Variants in TSPAN9 observed in about 807,000 individuals in gnomAD.
TSPAN9 encodes the protein tetraspanin-9.
TSPAN9 carries 16 observed loss-of-function variants against 31.0 expected under a neutral mutation model. That is an observed-to-expected ratio of 0.52 (90% confidence interval 0.35 to 0.78). The LOEUF (loss-of-function observed/expected upper bound fraction) is 0.78. TSPAN9 is among the 30% of genes least tolerant of loss of function. The probability of loss-of-function intolerance (pLI) is 0.01; values close to 1 mark genes in which losing one functional copy is unlikely to be tolerated. For synonymous variants in TSPAN9, 145 were observed against 121.6 expected, an observed-to-expected ratio of 1.19 and a Z score of -1.27; for missense variants, 272 against 312.5, an observed-to-expected ratio of 0.87 and a Z score of 0.98.
At chr12:3,250,295 C>T (rs1862223620) in intron 3 of TSPAN9, among the ~76,000 whole-genome samples, 1 of 152,212 alleles carries the variant, frequency 6.6e-6, no homozygotes, top group African/African-American at 2.4e-5. Flanking sequence ...TGCTTTCGAG[C>T]TTCAAGGGTT....
At chr12:3,233,183 G>C (rs998078515) in intron 3 of TSPAN9, among the ~76,000 whole-genome samples, 4 of 152,138 alleles carry the variant, frequency 2.6e-5, no homozygotes, top group Non-Finnish European at 4.4e-5. Context: ...GGTAGCTTCA[G>C]CTTGAAGCTA....
At chr12:3,155,891 T>G (rs1459383518) in intron 2 of TSPAN9, among the ~76,000 whole-genome samples, 1 of 151,876 alleles carries the variant, frequency 6.6e-6, no homozygotes, top group African/African-American at 2.4e-5. Context: ...TAAAGGGGAG[T>G]CTGTCTGAAG....
intron 3 of TSPAN9, among the ~76,000 whole-genome samples, chr12:3,225,350 ACG>A (rs2098386639): frequency 6.6e-6 from 1 of 152,018 alleles, no homozygotes; most frequent in Non-Finnish European, 1.5e-5. Context: ...TCACATGTGC[ACG>A]CACAGGACAG....
At chr12:3,221,376 T>TA (rs2098384494) in intron 3 of TSPAN9, among the ~76,000 whole-genome samples, 3 of 148,608 alleles carry the variant, frequency 2.0e-5, no homozygotes, top group African/African-American at 7.4e-5. Context: ...TTTTTTTTTT[T>TA]AGATGAAGTC....
intron 2 of TSPAN9, among the ~76,000 whole-genome samples, chr12:3,109,742 C>G (rs1248961509): frequency 6.9e-6 from 1 of 145,142 alleles, no homozygotes; most frequent in Non-Finnish European, 1.5e-5. Flanking sequence ...ATGTTGCAGT[C>G]AGCCGAGATC....
rs1862988368 is a variant in TSPAN9 at position 3,285,074 on chromosome 12, G to A, written c.*1958G>A. The A allele has an allele frequency of 6.6e-6, 1 of 152,256 alleles. No individual in the cohort carries two copies. Among genetic ancestry groups the A allele is most frequent in the African/African-American group, 2.4e-5 (1 of 41,456 alleles). The allele number at this position is 152,256 out of a possible 1,614,324, so 9.4% of individuals were successfully genotyped here. A position where few individuals can be genotyped will look rare whatever the true frequency, so the allele number is the denominator to read the frequency against. The stretch of plus-strand genomic sequence containing the variant: ...GGGGCAGTGGTGCTGATGGAATGTG[G>A]GGGAGGCCCACATTTGAGCAAAGCT... On this transcript the variant is annotated 3_prime_UTR_variant, in exon 9 of 9. Transcript: ENST00000011898.
At chr12:3,218,879 G>T in intron 3 of TSPAN9, among the ~76,000 whole-genome samples, 1 of 151,938 alleles carries the variant, frequency 6.6e-6, no homozygotes, top group Middle Eastern at 3.2e-3. Context: ...TTTACCCCCC[G>T]GCAATCCATC....
At chr12:3,119,579 C>T (rs1009453294) in intron 2 of TSPAN9, among the ~76,000 whole-genome samples, 27 of 152,162 alleles carry the variant, frequency 1.8e-4, no homozygotes, top group Non-Finnish European at 3.8e-4. Flanking sequence ...CCTCTCAGCC[C>T]GTCCTGCCCC....
rs1253343839 is a variant in TSPAN9 at position 3,174,727 on chromosome 12, C to T, written c.-17-26450C>T. On this transcript the variant is annotated intron_variant, in intron 2 of 8. Coordinates refer to ENST00000011898, the MANE Select transcript of TSPAN9 (RefSeq NM_006675.5). ...CCTCCCGAGTAGCTGGGACTACAGG[C>T]GCCCACCACCGCGCCCGGCTAATTT... Among the ~76,000 whole-genome samples the T allele has an allele frequency of 2.0e-4, 30 of 147,114 alleles. No homozygotes were observed. In the South Asian group the frequency reaches 3.8e-3, roughly 19 times the overall value.
At chr12:3,089,219 G>A (rs574170690) in intron 2 of TSPAN9, among the ~76,000 whole-genome samples, 74 of 147,458 alleles carry the variant, frequency 5.0e-4, no homozygotes, top group East Asian at 1.4e-3. Context: ...GTGACAGAGC[G>A]AGACTCCATC....
At chr12:3,214,951 G>A (rs1004645093) in intron 3 of TSPAN9, among the ~76,000 whole-genome samples, 156 of 151,804 alleles carry the variant, frequency 1.0e-3, no homozygotes, top group African/African-American at 3.6e-3. Context: ...CCTCTCACCC[G>A]GCTCTACCCT....
At chr12:3,079,333 G>C (rs765305860) in intron 1 of TSPAN9, among the ~76,000 whole-genome samples, 2 of 152,154 alleles carry the variant, frequency 1.3e-5, no homozygotes, top group Non-Finnish European at 2.9e-5. Flanking sequence ...TACTCAGAGA[G>C]AATAAGTATC....
In TSPAN9 at chr12:3,221,352, A is replaced by ATTT. The variant is rs200531623; in HGVS notation, c.63+20099_63+20101dup. Among the ~76,000 whole-genome samples the ATTT allele has an allele frequency of 3.9e-4, 51 of 131,698 alleles. 4 individuals are homozygous for ATTT. The highest frequency in any genetic ancestry group is 4.2e-3 in the Middle Eastern group (1 of 238). 86.4% of individuals were successfully genotyped at this position (131,698 alleles called of 152,430 possible). A position where few individuals can be genotyped will look rare whatever the true frequency, so the allele number is the denominator to read the frequency against. On this transcript the variant is annotated intron_variant, in intron 3 of 8. Transcript: ENST00000011898. The stretch of plus-strand genomic sequence containing the variant: ...AGATAAGTTATTTTTTATTTAAAAT[A>ATTT]TTTTTCTCTTTTTTTTTTTTTTTTA...
At chr12:3,250,656 C>T (rs575742878) in intron 3 of TSPAN9, among the ~76,000 whole-genome samples, 2 of 152,250 alleles carry the variant, frequency 1.3e-5, no homozygotes, top group Non-Finnish European at 2.9e-5. Flanking sequence ...CCTGGCCAGC[C>T]CATGCTGAGG....
intron 3 of TSPAN9, among the ~76,000 whole-genome samples, chr12:3,208,252 G>T (rs768312855): frequency 4.6e-5 from 7 of 152,192 alleles, no homozygotes; most frequent in Non-Finnish European, 7.3e-5. Flanking sequence ...AGTGTCCCTC[G>T]GGCTGGGGAT....
At chr12:3,134,038 G>A (rs1263306787) in intron 2 of TSPAN9, among the ~76,000 whole-genome samples, 1 of 152,162 alleles carries the variant, frequency 6.6e-6, no homozygotes, top group Admixed American at 6.5e-5. Flanking sequence ...TAGAAGGTGT[G>A]TAATGTAAGG....
At chr12:3,236,750 G>A (rs2098393973) in intron 3 of TSPAN9, among the ~76,000 whole-genome samples, 1 of 152,172 alleles carries the variant, frequency 6.6e-6, no homozygotes, top group Non-Finnish European at 1.5e-5. Flanking sequence ...ATTTTTGGTA[G>A]CAGGCTCATG....
intron 2 of TSPAN9, among the ~76,000 whole-genome samples, chr12:3,094,847 CTTTTTTTTTTTT>C (rs61154605): frequency 6.9e-5 from 7 of 101,954 alleles, no homozygotes; most frequent in East Asian, 2.7e-4. Flanking sequence ...AATCAATAAT[CTTTTTTTTTTTT>C]TTTTTTTTTT....
intron 2 of TSPAN9, among the ~76,000 whole-genome samples, chr12:3,120,214 C>T (rs2098324448): frequency 6.6e-6 from 1 of 152,142 alleles, no homozygotes; most frequent in South Asian, 2.1e-4. Context: ...TCCCTGAGCC[C>T]TCAAGCGTGG....
Sources: allele counts gnomAD v4.1 joint callset (sites outside exome capture counted in the v4.1 genomes callset), GRCh38; gene constraint gnomAD v4.1.1; transcripts MANE v1.5; gene names NCBI Gene and HGNC (gene_info 2026-07-23, HGNC 2026-07-21).